The following SLC36A1 variants were observed in gnomAD, a reference collection of about 807,000 sequenced individuals.
The protein encoded by SLC36A1 is proton-coupled amino acid transporter 1.
A neutral mutation model predicts 47.5 loss-of-function variants in SLC36A1; 30 were observed. The observed-to-expected ratio is 0.63, with a 90% CI of 0.47 to 0.86. SLC36A1 has a LOEUF of 0.86. Among genes scored for constraint, SLC36A1 ranks in the 40% least tolerant of loss-of-function variants. The pLI is 0.00. For synonymous variants in SLC36A1, 255 were observed against 249.7 expected (o/e 1.02, Z -0.20); for missense variants, 517 against 606.0 (o/e 0.85, Z 1.54).
the SLC36A1 span, among the ~76,000 whole-genome samples, chr5:151,414,065 C>T: frequency 1.3e-5 from 2 of 151,988 alleles, no homozygotes; most frequent in African/African-American, 4.8e-5. Context: ...ATAAGAGCTC[C>T]AAAGCAACTT....
the SLC36A1 span, among the ~76,000 whole-genome samples, chr5:151,428,132 G>A: frequency 6.6e-6 from 1 of 152,116 alleles, no homozygotes; most frequent in Admixed American, 6.5e-5. Flanking sequence ...AGTCCAGCCT[G>A]GAATTCTCTC....
At chr5:151,525,964 T>C in the SLC36A1 span, 1 of 1,613,986 alleles carries the variant, frequency 6.2e-7, no homozygotes, top group Non-Finnish European at 8.5e-7. Context: ...GGGGGAGTTC[T>C]CCTGAGACCG....
At chr5:151,522,214 A>G in the SLC36A1 span, 1 of 668,466 alleles carries the variant, frequency 1.5e-6, no homozygotes, top group Admixed American at 3.2e-5. Flanking sequence ...GGCTCAGCGC[A>G]TTGTTGCATT....
At chr5:151,540,591 A>G in the SLC36A1 span, 5 of 1,613,610 alleles carry the variant, frequency 3.1e-6, no homozygotes, top group Non-Finnish European at 1.7e-6. Flanking sequence ...GGCTGTTATC[A>G]TTGACGTCCA....
chr5:151,380,614 C>T, the SLC36A1 span: 5 of 550,766 alleles, frequency 9.1e-6, no homozygotes, highest in East Asian at 4.9e-5. Flanking sequence ...TGAAGAACTT[C>T]GTCAGTTTGT....
the SLC36A1 span, chr5:151,525,751 C>A: frequency 1.9e-6 from 3 of 1,613,862 alleles, no homozygotes; most frequent in African/African-American, 4.0e-5. Flanking sequence ...CCACCAGAAG[C>A]CTAGCACAGC....
the SLC36A1 span, among the ~76,000 whole-genome samples, chr5:151,394,678 G>C: frequency 6.6e-6 from 1 of 152,334 alleles, no homozygotes; most frequent in Non-Finnish European, 1.5e-5. Flanking sequence ...TCCAGACCCT[G>C]TTTGCCTGGG....
At chr5:151,372,430 A>T in the SLC36A1 span, among the ~76,000 whole-genome samples, 84 of 152,150 alleles carry the variant, frequency 5.5e-4, no homozygotes, top group Non-Finnish European at 1.1e-3. Context: ...TAACAGAGAC[A>T]AATAATTCAT....
At chr5:151,544,409 C>A in the SLC36A1 span, 1 of 1,614,178 alleles carries the variant, frequency 6.2e-7, no homozygotes, top group East Asian at 2.2e-5. Flanking sequence ...ACTGTGAACA[C>A]ATGTTTGGTC....
chr5:151,542,907 G>T, the SLC36A1 span: 26 of 1,614,078 alleles, frequency 1.6e-5, 1 homozygote, highest in Middle Eastern at 6.6e-4. Context: ...GGTCTAGGGA[G>T]AAGACACCAT....
the SLC36A1 span, among the ~76,000 whole-genome samples, chr5:151,386,070 G>A: frequency 6.6e-6 from 1 of 151,870 alleles, no homozygotes; most frequent in African/African-American, 2.4e-5. Context: ...GTAGAGATGG[G>A]GGTTTCACTA....
downstream of SLC36A1, among the ~76,000 whole-genome samples, chr5:151,496,914 C>A (rs1302297437): frequency 6.6e-6 from 1 of 152,084 alleles, no homozygotes; most frequent in African/African-American, 2.4e-5. Flanking sequence ...ATTCCAGTTT[C>A]TGTGTGTCCA....
upstream of SLC36A1, among the ~76,000 whole-genome samples, chr5:151,433,733 C>T (rs74335693): frequency 9.5e-4 from 144 of 152,192 alleles, no homozygotes; most frequent in Non-Finnish European, 1.6e-3. Flanking sequence ...TTCACTCCCA[C>T]GGGTATTTGC....
the SLC36A1 span, among the ~76,000 whole-genome samples, chr5:151,416,677 G>A: frequency 2.6e-5 from 4 of 152,296 alleles, no homozygotes; most frequent in South Asian, 6.2e-4. Context: ...TCCCCTGGCT[G>A]CGGAGATAGG....
the SLC36A1 span, chr5:151,511,366 G>T: frequency 0.71 from 107,599 of 152,056 alleles, 38,630 homozygotes; most frequent in East Asian, 0.96. Flanking sequence ...CACAGGAACC[G>T]CTCATGTTGC....
the SLC36A1 span, among the ~76,000 whole-genome samples, chr5:151,528,293 C>T: frequency 3.9e-5 from 6 of 152,176 alleles, no homozygotes; most frequent in East Asian, 3.9e-4. Context: ...CTTACATCCT[C>T]GTGTGGACTT....
chr5:151,502,616 C>T, the SLC36A1 span, among the ~76,000 whole-genome samples: 1 of 148,050 alleles, frequency 6.8e-6, no homozygotes, highest in Non-Finnish European at 1.5e-5. Context: ...ACCGCACACC[C>T]ATTAGAAAGG....
the SLC36A1 span, among the ~76,000 whole-genome samples, chr5:151,532,310 T>C: frequency 6.6e-6 from 1 of 152,158 alleles, no homozygotes; most frequent in Non-Finnish European, 1.5e-5. Flanking sequence ...ATAGAACAGC[T>C]CTGTATCTTG....
the SLC36A1 span, chr5:151,545,687 T>C: frequency 1.9e-6 from 3 of 1,614,222 alleles, no homozygotes; most frequent in Admixed American, 3.3e-5. Context: ...GGATCAATTT[T>C]GAAAAACTTC....
Sources: gnomAD v4.1 joint callset for allele counts (sites outside exome capture counted in the v4.1 genomes callset) on GRCh38, gnomAD v4.1.1 for gene constraint, MANE v1.5 for transcripts, NCBI Gene and HGNC (gene_info 2026-07-23, HGNC 2026-07-21) for gene names.